CDC27: variants seen among roughly 807,000 people sequenced by gnomAD.
CDC27 encodes the protein cell division cycle 27.
Under a neutral mutation model 109.7 loss-of-function variants are expected in CDC27, and 27 were observed. That is an observed-to-expected ratio of 0.25 (90% CI 0.18 to 0.34). CDC27 has a LOEUF of 0.34. Ranked by LOEUF, CDC27 falls within the 10% of genes least tolerant of loss-of-function variation. The pLI, the probability that CDC27 is intolerant of heterozygous loss-of-function variation, is 1.00. For synonymous variants in CDC27, 266 were observed against 333.9 expected (o/e 0.80, Z 2.22); for missense variants, 579 against 960.2 (o/e 0.60, Z 5.25).
chr17:47,135,507 G>C (rs1355396560), intron 14 of CDC27, among the ~76,000 whole-genome samples: 1 of 152,064 alleles, frequency 6.6e-6, no homozygotes, highest in East Asian at 1.9e-4. Flanking sequence ...TTATTTGAGT[G>C]GCTTTATATA....
intron 9 of CDC27, among the ~76,000 whole-genome samples, chr17:47,147,233 T>C (rs2062988064): frequency 6.6e-6 from 1 of 151,516 alleles, no homozygotes; most frequent in African/African-American, 2.4e-5. Flanking sequence ...ACCCCGTCTC[T>C]ACTAAAAATA....
At chr17:47,130,260 C>T (rs1456292096) in intron 15 of CDC27, among the ~76,000 whole-genome samples, 2 of 152,106 alleles carry the variant, frequency 1.3e-5, no homozygotes, top group Admixed American at 6.5e-5. Context: ...ACTTGGGAGG[C>T]TGAGGCAGGA....
In CDC27 at chr17:47,133,016, T is replaced by C. The variant is rs1344165390; in HGVS notation, c.1914-642A>G. 4.0e-3 allele frequency among the ~76,000 whole-genome samples: 184 copies of C among 45,928 alleles called. 4 individuals are homozygous for C. The highest frequency in any genetic ancestry group is 0.032 in the Admixed American group (89 of 2,808). 30.1% of individuals were successfully genotyped at this position (45,928 alleles called of 152,430 possible). On this transcript the variant is annotated intron_variant, in intron 14 of 18. Transcript: ENST00000066544. ...ATATATATATATATATATATATATA[T>C]ATATATATATATACACACACACACA...
rs200469306 is a variant in CDC27 at position 47,136,163 on chromosome 17, A to AC, written c.1913+988_1913+989insG. Among the ~76,000 whole-genome samples the AC allele has an allele frequency of 2.2e-3, 330 of 152,238 alleles. 1 individual carries two copies. The highest frequency in any genetic ancestry group is 7.1e-3 in the African/African-American group (295 of 41,566). On this transcript the variant is annotated intron_variant, in intron 14 of 18. Transcript: ENST00000066544. ...CCTCAAAAAACAAACAAACAAACAA[A>AC]AAAAAAACTGAGTTCTTAAAATATT...
At chr17:47,171,779 G>T (rs1378560439) in intron 3 of CDC27, 138 bp downstream of exon 3, 3 of 604,034 alleles carry the variant, frequency 5.0e-6, no homozygotes, top group Non-Finnish European at 8.5e-6. Flanking sequence ...ATAGGCAACA[G>T]TGTAAACATT....
intron 12 of CDC27, among the ~76,000 whole-genome samples, chr17:47,141,531 C>A (rs1208652546): frequency 6.6e-6 from 1 of 152,040 alleles, no homozygotes; most frequent in Non-Finnish European, 1.5e-5. Flanking sequence ...CTGTATATTG[C>A]AGAAAAATAA....
At chr17:47,181,872 T>C (rs1285754597) in intron 1 of CDC27, among the ~76,000 whole-genome samples, 1 of 152,206 alleles carries the variant, frequency 6.6e-6, no homozygotes, top group Non-Finnish European at 1.5e-5. Flanking sequence ...TTCTGTGCCT[T>C]TGTACACCCT....
intron 14 of CDC27, among the ~76,000 whole-genome samples, chr17:47,133,026 T>C (rs374075757): frequency 0.24 from 7,506 of 30,834 alleles, 536 homozygotes; most frequent in South Asian, 0.32. Flanking sequence ...TATATATATA[T>C]ATACACACAC....
intron 5 of CDC27, 32 bp downstream of exon 5, chr17:47,158,174 A>T (rs1480099918): frequency 1.0e-6 from 1 of 952,468 alleles, no homozygotes; most frequent in Non-Finnish European, 1.6e-6. Context: ...AGGAGATGGG[A>T]ACCCACCCAC....
rs142853734 is a variant in CDC27 at position 47,171,962 on chromosome 17, G to A, written c.206C>T (p.Pro69Leu). ...RLLKGHSCTT[P>L]QCKYLLAKCC... ...TTTTGCAAGCAGGTATTTGCATTGC[G>A]GTGTAGTACAACTGTGTCCTTTCAA... is the stretch of plus-strand genomic sequence containing the variant. The change falls in exon 3 of 19, where the codon CCG (proline) becomes CTG (leucine). Residue 69 changes from proline (P) to leucine (L), a missense_variant. Coordinates refer to ENST00000066544, the MANE Select transcript of CDC27 (RefSeq NM_001256.6). 4.4e-6 allele frequency: 7 copies of A among 1,599,486 alleles called. No homozygotes were observed. Among genetic ancestry groups the A allele is most frequent in the Non-Finnish European group, 6.0e-6 (7 of 1,173,586 alleles).
chr17:47,166,930 C>G (rs2063665969), intron 4 of CDC27, among the ~76,000 whole-genome samples: 1 of 152,152 alleles, frequency 6.6e-6, no homozygotes, highest in African/African-American at 2.4e-5. Flanking sequence ...TCTCGACTCA[C>G]TGTAACCTCT....
At chr17:47,188,688 C>G in intron 1 of CDC27, 8 of 909,798 alleles carry the variant, frequency 8.8e-6, no homozygotes, top group Non-Finnish European at 1.1e-5. Flanking sequence ...CGATCCTACG[C>G]TCCCTCCACC....
In CDC27 at chr17:47,129,536, G is replaced by T; in HGVS notation, c.2032-15C>A. The T allele has an allele frequency of 6.3e-7, 1 of 1,574,972 alleles. No individual in the cohort carries two copies. The highest frequency in any genetic ancestry group is 1.4e-5 in the African/African-American group (1 of 73,332). ...GCATGTTGAACCTGTAAGAAATAAAGATCATGTTAATACTCCCTCTTGATA... is the reference window on the plus strand; with the variant it reads ...GCATGTTGAACCTGTAAGAAATAAATATCATGTTAATACTCCCTCTTGATA... On this transcript the variant is annotated splice_polypyrimidine_tract_variant and intron_variant, in intron 15 of 18. Coordinates refer to ENST00000066544, the MANE Select transcript of CDC27 (RefSeq NM_001256.6).
At chr17:47,158,076 T>A (rs2063372402) in intron 5 of CDC27, 130 bp downstream of exon 5, 1 of 419,012 alleles carries the variant, frequency 2.4e-6, no homozygotes, top group African/African-American at 2.1e-5. Context: ...TTATTTTTTA[T>A]TCTCAATTTT....
chr17:47,157,660 T>G (rs886327366), intron 5 of CDC27, among the ~76,000 whole-genome samples: 1 of 152,208 alleles, frequency 6.6e-6, no homozygotes, highest in African/African-American at 2.4e-5. Flanking sequence ...CTGTGTTTGT[T>G]TTAAAGCTGA....
chr17:47,167,242 CT>C (rs1395752370), intron 4 of CDC27, among the ~76,000 whole-genome samples: 2 of 152,136 alleles, frequency 1.3e-5, no homozygotes, highest in Non-Finnish European at 2.9e-5. Flanking sequence ...TCTAATGCAA[CT>C]TTTTTCAACA....
In CDC27 at chr17:47,142,410, C is replaced by T. The variant is rs1213762676; in HGVS notation, c.1197G>A (p.Lys399=). The change falls in exon 11 of 19, where the codon AAG becomes AAA. Residue 399 remains lysine (K), a synonymous_variant. Transcript: ENST00000066544. ...TTCTGTTTGGGATTTTAGGTGGAAA[C>T]TTCATTTTTAATTTTTTGCTATTCT... ...TKENSKKLKM[K]FPPKIPNRKT... is the part of the protein sequence containing the mutation. The T allele has an allele frequency of 1.4e-5, 21 of 1,477,776 alleles. No homozygotes were observed. Among genetic ancestry groups the T allele is most frequent in the Admixed American group, 2.0e-5 (1 of 50,920 alleles). The allele number at this position is 1,477,776 out of a possible 1,614,324, so 91.5% of individuals were successfully genotyped here.
intron 2 of CDC27, among the ~76,000 whole-genome samples, chr17:47,179,264 A>C (rs1032610876): frequency 3.3e-5 from 5 of 152,220 alleles, no homozygotes; most frequent in Non-Finnish European, 7.3e-5. Context: ...CAAATATAGA[A>C]ACTGCTACTA....
chr17:47,151,983 C>T, intron 8 of CDC27, 65 bp from the exon 9 acceptor site: 1 of 1,449,116 alleles, frequency 6.9e-7, no homozygotes, highest in Non-Finnish European at 9.2e-7. Flanking sequence ...TAAAAGACAA[C>T]ACAACGCTCC....
Sources: allele counts gnomAD v4.1 joint callset (sites outside exome capture counted in the v4.1 genomes callset), GRCh38; gene constraint gnomAD v4.1.1; transcripts MANE v1.5; gene names NCBI Gene and HGNC (gene_info 2026-07-23, HGNC 2026-07-21).